Variants in B3GALNT2 observed in about 807,000 individuals in gnomAD.
B3GALNT2 encodes the protein beta-1,3-N-acetylgalactosaminyltransferase 2.
B3GALNT2 carries 53 observed loss-of-function variants against 61.1 expected under a neutral mutation model. That is an observed-to-expected ratio of 0.87 (90% CI 0.70 to 1.09). The LOEUF is 1.09. Ranked by LOEUF, B3GALNT2 falls within the 50% of genes least tolerant of loss-of-function variation. The pLI is 0.00. For missense variants in B3GALNT2, 544 were observed against 623.0 expected (o/e 0.87, Z 1.35); for synonymous variants, 223 against 237.4 (o/e 0.94, Z 0.56).
At chr1:235,453,199 G>T in intron 10 of B3GALNT2, 53 bp from the exon 11 acceptor site, 1 of 1,523,466 alleles carries the variant, frequency 6.6e-7, no homozygotes, top group Non-Finnish European at 9.1e-7. Flanking sequence ...TATTTTATTT[G>T]TAAAGACAAA....
In B3GALNT2 at chr1:235,450,314, G is replaced by A. The variant is rs1682820172; in HGVS notation, c.1395C>T (p.Thr465=). The A allele has an allele frequency of 6.2e-7, 1 of 1,613,954 alleles. No homozygotes were observed. Among genetic ancestry groups the A allele is most frequent in the Non-Finnish European group, 8.5e-7 (1 of 1,179,828 alleles). The change falls in exon 12 of 12, where the codon ACC becomes ACT. Residue 465 remains threonine, a synonymous_variant. Transcript: ENST00000366600. The part of the protein sequence containing the change: ...YQDSLWLCEK[T]CETGMLSSPQ... Reference sequence around the variant, plus strand: ...GAGAAGACAGCATTCCTGTCTCACAGGTCTTCTCACACAGCCACAGACTGT... The same window carrying A: ...GAGAAGACAGCATTCCTGTCTCACAAGTCTTCTCACACAGCCACAGACTGT...
At chr1:235,458,558 T>A (rs780133427) in intron 8 of B3GALNT2, 45 bp downstream of exon 8, 3 of 1,495,100 alleles carry the variant, frequency 2.0e-6, no homozygotes, top group Non-Finnish European at 2.7e-6. Context: ...AAAAAAAAAC[T>A]AACAATAAAA....
intron 1 of B3GALNT2, among the ~76,000 whole-genome samples, chr1:235,498,345 A>G (rs1685424244): frequency 6.6e-6 from 1 of 152,244 alleles, no homozygotes; most frequent in Non-Finnish European, 1.5e-5. Flanking sequence ...CATGATACAG[A>G]AGGACATAAA....
chr1:235,496,608 C>T (rs1251315502), intron 1 of B3GALNT2, among the ~76,000 whole-genome samples: 12 of 148,586 alleles, frequency 8.1e-5, no homozygotes, highest in Non-Finnish European at 1.6e-4. Context: ...GCAGTGGCGG[C>T]GATCTCGGCT....
chr1:235,475,253 T>C (rs1378928697), intron 5 of B3GALNT2, among the ~76,000 whole-genome samples: 4 of 151,742 alleles, frequency 2.6e-5, no homozygotes, highest in Non-Finnish European at 5.9e-5. Context: ...CGCCTCGGCC[T>C]CCCAAAGTGC....
At chr1:235,440,084 C>T in the B3GALNT2 span, among the ~76,000 whole-genome samples, 1 of 152,178 alleles carries the variant, frequency 6.6e-6, no homozygotes, top group Admixed American at 6.5e-5. Flanking sequence ...CATTCTCCTG[C>T]CTCAGCCTCC....
chr1:235,452,783 G>A (rs573932499), intron 11 of B3GALNT2, among the ~76,000 whole-genome samples: 1 of 152,106 alleles, frequency 6.6e-6, no homozygotes, highest in South Asian at 2.1e-4. Flanking sequence ...TGAACTCCTG[G>A]GCTCAAGTGA....
Position 235,467,097 on chromosome 1 carries a change from C to T in B3GALNT2, c.763-1383G>A, listed in dbSNP as rs529754612. Among the ~76,000 whole-genome samples the T allele has an allele frequency of 2.2e-4, 34 of 152,214 alleles. 1 individual carries two copies. In the South Asian group the frequency reaches 6.6e-3, roughly 30 times the overall value. The stretch of plus-strand genomic sequence containing the variant: ...GGCGCAGTGGCTCACACCTGTAATC[C>T]CAGCACTTTGGGAGGCGGAGGCGGG... On this transcript the variant is annotated intron_variant, in intron 6 of 11. Coordinates refer to ENST00000366600, the MANE Select transcript of B3GALNT2 (RefSeq NM_152490.5).
chr1:235,476,773 G>A (rs1266867794), intron 5 of B3GALNT2, among the ~76,000 whole-genome samples: 3 of 150,216 alleles, frequency 2.0e-5, no homozygotes, highest in African/African-American at 4.9e-5. Context: ...TCACTTGAAC[G>A]TGGGAGGCAG....
At chr1:235,444,141 G>C (rs917847907), downstream of B3GALNT2, among the ~76,000 whole-genome samples, 2 of 152,108 alleles carry the variant, frequency 1.3e-5, no homozygotes, top group African/African-American at 4.8e-5. Flanking sequence ...AGCTTATCAT[G>C]GTATTGCTTA....
intron 5 of B3GALNT2, among the ~76,000 whole-genome samples, chr1:235,474,977 ATATATATATATTTTTTTT>A (rs1684191432): frequency 3.3e-5 from 1 of 29,956 alleles, no homozygotes; most frequent in African/African-American, 2.2e-4. Context: ...ATATATATAT[ATATATATATATTTTTTTT>A]TTTTTTTTTT....
At chr1:235,454,974 C>T (rs2102783732) in intron 9 of B3GALNT2, among the ~76,000 whole-genome samples, 1 of 152,246 alleles carries the variant, frequency 6.6e-6, no homozygotes, top group Non-Finnish European at 1.5e-5. Context: ...CACAAACGTA[C>T]TCTAACAAAA....
intron 6 of B3GALNT2, among the ~76,000 whole-genome samples, chr1:235,467,259 G>T (rs1347172588): frequency 6.6e-6 from 1 of 152,112 alleles, no homozygotes. Context: ...TGAGGCAGGA[G>T]TATCACTTGA....
chr1:235,503,793 T>C (rs370590846), intron 1 of B3GALNT2, among the ~76,000 whole-genome samples: 6 of 152,044 alleles, frequency 3.9e-5, no homozygotes, highest in African/African-American at 1.4e-4. Flanking sequence ...CAGAAAGCGC[T>C]GGCGGCTGAA....
At chr1:235,495,579 G>A (rs1395081107) in intron 1 of B3GALNT2, among the ~76,000 whole-genome samples, 1 of 151,922 alleles carries the variant, frequency 6.6e-6, no homozygotes, top group African/African-American at 2.4e-5. Flanking sequence ...CATTCTGAAC[G>A]GCTCATTTTT....
Position 235,494,670 on chromosome 1 carries a change from A to C in B3GALNT2, c.260+11T>G, listed in dbSNP as rs779108946. The C allele has an allele frequency of 2.5e-6, 4 of 1,608,748 alleles. No homozygotes were observed. The East Asian group carries it at 6.7e-5, about 27-fold the overall frequency. The stretch of plus-strand genomic sequence containing the variant: ...AATAAACCAGGCAAGGCAACAACTC[A>C]GAAAACCTACCGTTGACTTAATGTG... On this transcript the variant is annotated intron_variant, in intron 2 of 11. Transcript: ENST00000366600.
intron 4 of B3GALNT2, among the ~76,000 whole-genome samples, chr1:235,483,727 G>T (rs1210010944): frequency 6.6e-6 from 1 of 152,100 alleles, no homozygotes; most frequent in Non-Finnish European, 1.5e-5. Context: ...GTGGCTATAG[G>T]GTTTACTGAA....
Position 235,504,163 on chromosome 1 carries a change from G to C in B3GALNT2, c.90C>G (p.Cys30Trp). ...CACCTGCAGGGCCGGCCCCGGAGGC[G>C]CAGGCGGGCGGCGGGGAGCGCAGCC... Reference protein sequence around the residue: ...WLRLRSPPPACASGAGPADQL... With the variant: ...WLRLRSPPPAWASGAGPADQL... The change falls in exon 1 of 12, where the codon TGC (cysteine) becomes TGG (tryptophan). Residue 30 changes from cysteine (C) to tryptophan (W), a missense_variant. By Grantham distance (215) the Cys-to-Trp change is radical. Coordinates refer to ENST00000366600, the MANE Select transcript of B3GALNT2 (RefSeq NM_152490.5). 1 of 1,291,958 alleles carries C rather than the reference G, an allele frequency of 7.7e-7. No homozygotes were observed. Among genetic ancestry groups the C allele is most frequent in the Non-Finnish European group, 9.7e-7 (1 of 1,025,710 alleles). The allele number at this position is 1,291,958 out of a possible 1,614,324, so 80.0% of individuals were successfully genotyped here. A position where few individuals can be genotyped will look rare whatever the true frequency, so the allele number is the denominator to read the frequency against.
At chr1:235,484,664 G>A (rs1684717692) in intron 3 of B3GALNT2, 149 bp from the exon 4 acceptor site, 1 of 1,350,130 alleles carries the variant, frequency 7.4e-7, no homozygotes, top group African/African-American at 1.5e-5. Context: ...AAATGCTTGA[G>A]AAAAATGGCT....
Sources: gnomAD v4.1 joint callset for allele counts (sites outside exome capture counted in the v4.1 genomes callset) on GRCh38, gnomAD v4.1.1 for gene constraint, MANE v1.5 for transcripts, NCBI Gene and HGNC (gene_info 2026-07-23, HGNC 2026-07-21) for gene names.